PSMG4: variants seen among roughly 807,000 people sequenced by gnomAD.
The protein encoded by PSMG4 is proteasome assembly chaperone 4, also known as proteasome (prosome, macropain) assembly chaperone 4.
In PSMG4, 10 loss-of-function variants were observed where a neutral mutation model predicts 11.0. The observed-to-expected ratio is 0.91, with a 90% CI of 0.56 to 1.54. The LOEUF (loss-of-function observed/expected upper bound fraction) is 1.54. Among genes scored for constraint, PSMG4 ranks in the 40% most tolerant of loss-of-function variants. The probability of loss-of-function intolerance (pLI) is 0.00; values close to 1 mark genes in which losing one functional copy is unlikely to be tolerated. For synonymous variants in PSMG4, 95 were observed against 71.3 expected, an observed-to-expected ratio of 1.33 and a Z score of -1.68; for missense variants, 198 against 160.9, an observed-to-expected ratio of 1.23 and a Z score of -1.25.
intron 1 of PSMG4, among the ~76,000 whole-genome samples, chr6:3,261,693 A>G (rs1361611169): frequency 6.6e-6 from 1 of 152,138 alleles, no homozygotes; most frequent in Non-Finnish European, 1.5e-5. Context: ...CAGCTGGGGA[A>G]AAGAGGTGTA....
At chr6:3,254,933 CACTG>C, upstream of PSMG4, 1 of 1,169,812 alleles carries the variant, frequency 8.5e-7, no homozygotes, top group Non-Finnish European at 1.2e-6. Flanking sequence ...GCCATTCTCT[CACTG>C]GGTGTCAGCT....
intron 1 of PSMG4, among the ~76,000 whole-genome samples, chr6:3,262,995 C>T (rs941693536): frequency 1.3e-5 from 2 of 152,176 alleles, no homozygotes; most frequent in African/African-American, 4.8e-5. Flanking sequence ...AGATTACTCC[C>T]AAAGTAGTTG....
chr6:3,258,993 G>A lies in PSMG4; in HGVS notation c.-30G>A. ...CTGGCAGCGGCGAGGACCCGGGTCTGGCGCTGTGGGCCGGGAGCCGTGGGG... is the reference window on the plus strand; with the variant it reads ...CTGGCAGCGGCGAGGACCCGGGTCTAGCGCTGTGGGCCGGGAGCCGTGGGG... On this transcript the variant is annotated 5_prime_UTR_variant, in exon 1 of 3. Transcript: ENST00000438998. 3 of 1,240,028 alleles carry A rather than the reference G, an allele frequency of 2.4e-6. No individual in the cohort carries two copies. The highest frequency in any genetic ancestry group is 3.0e-6 in the Non-Finnish European group (3 of 991,500). The allele number at this position is 1,240,028 out of a possible 1,614,324, so 76.8% of individuals were successfully genotyped here. A position where few individuals can be genotyped will look rare whatever the true frequency, so the allele number is the denominator to read the frequency against.
upstream of PSMG4, among the ~76,000 whole-genome samples, chr6:3,258,020 G>A (rs1004052743): frequency 3.3e-5 from 5 of 152,178 alleles, no homozygotes; most frequent in African/African-American, 1.2e-4. Context: ...ACCTTTTATA[G>A]TTCCAAGTTA....
At chr6:3,257,374 T>C (rs1417604631), upstream of PSMG4, among the ~76,000 whole-genome samples, 1 of 152,190 alleles carries the variant, frequency 6.6e-6, no homozygotes, top group Non-Finnish European at 1.5e-5. Context: ...TTGAGACATG[T>C]ATAACCAGTG....
chr6:3,267,381 C>G (rs9328155), intron 2 of PSMG4: 348,604 of 409,084 alleles, frequency 0.85, 149,263 homozygotes, highest in Non-Finnish European at 0.87. Context: ...CCCTTCAGAA[C>G]CCTGGGTCTG....
At chr6:3,254,763 G>A (rs1423005846), upstream of PSMG4, among the ~76,000 whole-genome samples, 1 of 152,194 alleles carries the variant, frequency 6.6e-6, no homozygotes, top group Non-Finnish European at 1.5e-5. Context: ...AAACTGTAAT[G>A]CTCACCTGTA....
intron 1 of PSMG4, among the ~76,000 whole-genome samples, chr6:3,263,403 T>G (rs1037365898): frequency 1.3e-5 from 2 of 152,246 alleles, no homozygotes; most frequent in African/African-American, 2.4e-5. Context: ...CTTTGGAGTT[T>G]GAGACACTAA....
chr6:3,254,632 C>G (rs759078661), upstream of PSMG4, among the ~76,000 whole-genome samples: 3 of 152,124 alleles, frequency 2.0e-5, no homozygotes, highest in Non-Finnish European at 4.4e-5. Flanking sequence ...AGGTGTAACA[C>G]TGATTGTGAA....
rs4632937 is a variant in PSMG4, at chr6:3,268,039, G to A, written c.*327G>A. On this transcript the variant is annotated 3_prime_UTR_variant, in exon 3 of 3. Coordinates refer to ENST00000438998, the MANE Select transcript of PSMG4 (RefSeq NM_001128591.2). ...CATCCTCAATTAGAATTAAAGTGATGTATAAATATGCTTTAGATTTGTGTG... is the reference window on the plus strand; with the variant it reads ...CATCCTCAATTAGAATTAAAGTGATATATAAATATGCTTTAGATTTGTGTG... The A allele has an allele frequency of 0.85, 172,582 of 202,166 alleles. 73,955 individuals are homozygous for A. The highest frequency in any genetic ancestry group is 0.87 in the Non-Finnish European group (84,795 of 97,442). 12.5% of individuals were successfully genotyped at this position (202,166 alleles called of 1,614,324 possible). A position where few individuals can be genotyped will look rare whatever the true frequency, so the allele number is the denominator to read the frequency against.
chr6:3,258,890 C>T (rs1757852287), upstream of PSMG4: 4 of 912,666 alleles, frequency 4.4e-6, no homozygotes, highest in African/African-American at 1.7e-5. Flanking sequence ...CGACCACGCC[C>T]CTCACCCCCG....
upstream of PSMG4, among the ~76,000 whole-genome samples, chr6:3,255,967 A>G (rs1757748591): frequency 1.3e-5 from 2 of 152,200 alleles, no homozygotes; most frequent in Admixed American, 1.3e-4. Flanking sequence ...ACTCTAGCAA[A>G]GATTCCACAT....
upstream of PSMG4, among the ~76,000 whole-genome samples, chr6:3,254,665 A>G (rs2127250563): frequency 6.6e-6 from 1 of 152,250 alleles, no homozygotes; most frequent in Middle Eastern, 3.4e-3. Flanking sequence ...TGTTCCTTCA[A>G]GCTGCGAAAC....
At chr6:3,258,886 C>T (rs1757852105), upstream of PSMG4, 1 of 865,970 alleles carries the variant, frequency 1.2e-6, no homozygotes, top group Non-Finnish European at 1.5e-6. Context: ...TCCCCGACCA[C>T]GCCCCTCACC....
At chr6:3,264,033 G>A (rs1183955688) in intron 2 of PSMG4, 7 of 1,380,350 alleles carry the variant, frequency 5.1e-6, no homozygotes, top group Non-Finnish European at 6.7e-6. Context: ...TGATTTAGTT[G>A]CCTTCCGTAA....
upstream of PSMG4, among the ~76,000 whole-genome samples, chr6:3,258,395 C>T (rs908603054): frequency 1.3e-5 from 2 of 152,188 alleles, no homozygotes; most frequent in South Asian, 2.1e-4. Flanking sequence ...ACACAATTTT[C>T]CTTTCTAAAG....
At chr6:3,260,903 C>T (rs1278745813) in intron 1 of PSMG4, among the ~76,000 whole-genome samples, 2 of 152,234 alleles carry the variant, frequency 1.3e-5, no homozygotes, top group African/African-American at 4.8e-5. Context: ...TCTTAGAGCT[C>T]CTGCCTGTCC....
upstream of PSMG4, among the ~76,000 whole-genome samples, chr6:3,255,864 A>G (rs1203021674): frequency 1.5e-5 from 1 of 65,236 alleles, no homozygotes; most frequent in African/African-American, 3.5e-5. Flanking sequence ...ACGTGAATGC[A>G]AATTGTTTTG....
chr6:3,258,597 C>T (rs1757842401), upstream of PSMG4, among the ~76,000 whole-genome samples: 1 of 152,218 alleles, frequency 6.6e-6, no homozygotes, highest in East Asian at 1.9e-4. Flanking sequence ...AGTGTCACGG[C>T]CTGGGAGGAC....
Sources: gnomAD v4.1 joint callset for allele counts (sites outside exome capture counted in the v4.1 genomes callset) on GRCh38, gnomAD v4.1.1 for gene constraint, MANE v1.5 for transcripts, NCBI Gene and HGNC (gene_info 2026-07-23, HGNC 2026-07-21) for gene names.